The following TMEM132E variants were observed in gnomAD, a reference collection of about 807,000 sequenced individuals.
TMEM132E encodes transmembrane protein 132E.
In TMEM132E, 49 loss-of-function variants were observed where a neutral mutation model predicts 78.5. That is an observed-to-expected ratio of 0.62 (90% confidence interval 0.50 to 0.79). TMEM132E has a LOEUF of 0.79. Among genes scored for constraint, TMEM132E ranks in the 30% least tolerant of loss-of-function variants. TMEM132E has a pLI of 0.00. For missense variants in TMEM132E, 1,403 were observed against 1,470.9 expected, an observed-to-expected ratio of 0.95 and a Z score of 0.75; for synonymous variants, 715 against 670.6, an observed-to-expected ratio of 1.07 and a Z score of -1.02.
In TMEM132E at chr17:34,580,988, G is replaced by A. The variant is rs551474824; in HGVS notation, c.-89G>A. On this transcript the variant is annotated 5_prime_UTR_variant, in exon 1 of 9. Transcript: ENST00000631683. ...TCTGAGACAGCCGGGCGCCACGGCA[G>A]CCCTGAGTTGGATGTGACCAAGCCC... is the stretch of plus-strand genomic sequence containing the variant. 2 of 1,132,654 alleles carry A rather than the reference G, an allele frequency of 1.8e-6. No homozygotes were observed. Among genetic ancestry groups the A allele is most frequent in the East Asian group, 2.9e-5 (1 of 35,052 alleles). 70.2% of individuals were successfully genotyped at this position (1,132,654 alleles called of 1,614,324 possible). A position where few individuals can be genotyped will look rare whatever the true frequency, so the allele number is the denominator to read the frequency against.
intron 1 of TMEM132E, among the ~76,000 whole-genome samples, chr17:34,612,200 C>A (rs1207639073): frequency 3.9e-5 from 6 of 152,182 alleles, no homozygotes; most frequent in African/African-American, 1.4e-4. Flanking sequence ...CTTCATGTGA[C>A]CTGGCCCTGA....
At chr17:34,606,713 CG>C (rs1906423704) in intron 1 of TMEM132E, among the ~76,000 whole-genome samples, 2 of 152,178 alleles carry the variant, frequency 1.3e-5, no homozygotes, top group African/African-American at 4.8e-5. Flanking sequence ...CTGGGCCACC[CG>C]GGGCTGGGGC....
At chr17:34,610,050 C>T (rs777013566) in intron 1 of TMEM132E, among the ~76,000 whole-genome samples, 26 of 148,536 alleles carry the variant, frequency 1.8e-4, no homozygotes, top group Admixed American at 1.1e-3. Context: ...CGAGTTTCTA[C>T]CCATTCTTCA....
chr17:34,595,064 G>A (rs1353561445), intron 1 of TMEM132E, among the ~76,000 whole-genome samples: 2 of 152,254 alleles, frequency 1.3e-5, no homozygotes, highest in Admixed American at 6.5e-5. Context: ...GAAAGGGCCA[G>A]GTATGGCTTC....
Position 34,636,018 on chromosome 17 carries a change from G to A in TMEM132E, c.1989G>A (p.Pro663=), listed in dbSNP as rs774827026. 59 of 1,501,194 alleles carry A rather than the reference G, an allele frequency of 3.9e-5. No individual in the cohort carries two copies. The highest frequency in any genetic ancestry group is 1.4e-4 in the Admixed American group (6 of 43,242). The allele number at this position is 1,501,194 out of a possible 1,614,324, so 93.0% of individuals were successfully genotyped here. ...PGTTPFKVVS[P]LTEAVLGETL... ...CCGCTCTGCCTCAGGTGGTGTCTCC[G>A]CTGACGGAGGCTGTGCTCGGGGAGA... Residue 663 remains proline, a synonymous_variant, in exon 8 of 9, where the codon CCG becomes CCA. Coordinates refer to ENST00000631683, the MANE Select transcript of TMEM132E (RefSeq NM_001304438.2).
intron 1 of TMEM132E, among the ~76,000 whole-genome samples, chr17:34,593,207 G>A (rs1229361950): frequency 2.0e-5 from 3 of 150,746 alleles, no homozygotes; most frequent in African/African-American, 7.3e-5. Flanking sequence ...AGGAGTTCGA[G>A]ACCACCCTGA....
rs982228081 is a variant in TMEM132E at position 34,626,601 on chromosome 17, G to T, written c.542G>T (p.Arg181Leu). ...GCCCGGGAAGTCAAGAGCTCCTGCC[G>T]CCTCAGCGGGGGCCTGGCCACTTGT... is the stretch of plus-strand genomic sequence containing the variant. ...RDAREVKSSC[R>L]LSGGLATCLV... The change falls in exon 2 of 9, where the codon CGC (arginine) becomes CTC (leucine). Residue 181 changes from arginine (R) to leucine (L), a missense_variant. Around this residue, in one of 3 missense-constraint regions of TMEM132E, gnomAD observed 511 missense variants for 499.0 expected, o/e 1.02. Transcript: ENST00000631683. The T allele has an allele frequency of 9.2e-6, 14 of 1,529,670 alleles. No homozygotes were observed. The African/African-American group carries it at 1.8e-4, about 19-fold the overall frequency. The allele number at this position is 1,529,670 out of a possible 1,614,324, so 94.8% of individuals were successfully genotyped here. A position where few individuals can be genotyped will look rare whatever the true frequency, so the allele number is the denominator to read the frequency against.
chr17:34,583,489 G>A (rs901186739), intron 1 of TMEM132E, among the ~76,000 whole-genome samples: 2 of 152,156 alleles, frequency 1.3e-5, no homozygotes, highest in African/African-American at 4.8e-5. Flanking sequence ...CCTCCTCCAG[G>A]GCTGCCTGAC....
intron 5 of TMEM132E, among the ~76,000 whole-genome samples, chr17:34,631,044 G>A (rs1907331921): frequency 1.3e-5 from 2 of 152,204 alleles, no homozygotes; most frequent in African/African-American, 4.8e-5. Context: ...CCCTCCAGTA[G>A]GCATCAAAAT....
chr17:34,601,721 G>A (rs774272232), intron 1 of TMEM132E, among the ~76,000 whole-genome samples: 1 of 152,208 alleles, frequency 6.6e-6, no homozygotes, highest in African/African-American at 2.4e-5. Context: ...CCCCTCTGGG[G>A]CTTCAGAGGG....
chr17:34,593,846 G>A (rs1905966217), intron 1 of TMEM132E, among the ~76,000 whole-genome samples: 1 of 152,214 alleles, frequency 6.6e-6, no homozygotes, highest in African/African-American at 2.4e-5. Context: ...CCACCAGCAT[G>A]ATCTGTCCCT....
chr17:34,628,667 C>T lies in TMEM132E; in HGVS notation c.1103C>T (p.Thr368Ile). ...LLTGAKHSTATVDVAWAQSTP... is the reference protein window; with the variant it reads ...LLTGAKHSTAIVDVAWAQSTP... ...ACTGGGGCAAAGCACTCAACAGCCA[C>T]CGTGGATGTGGCCTGGGCTCAGAGC... Residue 368 changes from threonine to isoleucine, a missense_variant, in exon 3 of 9, where the codon ACC (threonine) becomes ATC (isoleucine). Thr to Ile is a moderately conservative substitution (Grantham distance 89). This residue lies in a region of TMEM132E where 888 missense variants were observed against 952.8 expected (regional missense o/e 0.93). Coordinates refer to ENST00000631683, the MANE Select transcript of TMEM132E (RefSeq NM_001304438.2). 2 of 1,612,898 alleles carry T rather than the reference C, an allele frequency of 1.2e-6. No homozygotes were observed. The highest frequency in any genetic ancestry group is 1.1e-5 in the South Asian group (1 of 90,784).
intron 1 of TMEM132E, among the ~76,000 whole-genome samples, chr17:34,601,863 T>G (rs932778051): frequency 2.0e-5 from 3 of 152,160 alleles, no homozygotes; most frequent in Non-Finnish European, 4.4e-5. Context: ...CCTCCACAGC[T>G]GTCATCCCTG....
intron 1 of TMEM132E, among the ~76,000 whole-genome samples, chr17:34,587,612 G>A (rs573896568): frequency 9.3e-4 from 141 of 152,268 alleles, no homozygotes; most frequent in African/African-American, 3.3e-3. Context: ...AGGGTTTTGG[G>A]GGAGCCTGGC....
intron 1 of TMEM132E, among the ~76,000 whole-genome samples, chr17:34,604,456 G>A (rs1351479529): frequency 1.3e-5 from 2 of 152,194 alleles, no homozygotes; most frequent in Non-Finnish European, 2.9e-5. Context: ...TCTGTGTGGA[G>A]GATGAGATCC....
chr17:34,629,987 C>A (rs201977699), intron 4 of TMEM132E, 21 bp from the exon 5 acceptor site: 288 of 1,587,300 alleles, frequency 1.8e-4, no homozygotes, highest in Non-Finnish European at 2.2e-4. Flanking sequence ...AAGTAGAGCC[C>A]CCCCCTTCTC....
At chr17:34,621,411 G>A (rs1196309453) in intron 1 of TMEM132E, among the ~76,000 whole-genome samples, 1 of 152,094 alleles carries the variant, frequency 6.6e-6, no homozygotes, top group Admixed American at 6.6e-5. Context: ...CAGTCATATT[G>A]GATTAGGGCC....
chr17:34,629,877 G>C, intron 4 of TMEM132E, 131 bp from the exon 5 acceptor site: 2 of 1,068,574 alleles, frequency 1.9e-6, no homozygotes, highest in Non-Finnish European at 2.6e-6. Flanking sequence ...GCACACGGGT[G>C]CAAGTGTCCC....
intron 5 of TMEM132E, among the ~76,000 whole-genome samples, chr17:34,631,582 T>C (rs1436710049): frequency 6.6e-6 from 1 of 152,254 alleles, no homozygotes; most frequent in African/African-American, 2.4e-5. Flanking sequence ...GTTGGAATTC[T>C]TTGCCTTCCG....
Sources: gnomAD v4.1 joint callset for allele counts (sites outside exome capture counted in the v4.1 genomes callset) on GRCh38, gnomAD v4.1.1 for gene constraint, gnomAD v4.1.1 regional missense constraint, MANE v1.5 for transcripts, NCBI Gene and HGNC (gene_info 2026-07-23, HGNC 2026-07-21) for gene names.